RGS7: variants seen among roughly 807,000 people sequenced by gnomAD.
RGS7 encodes the protein regulator of G-protein signaling 7.
In RGS7, 27 loss-of-function variants were observed where a neutral mutation model predicts 81.1. The ratio of observed to expected loss-of-function variants is 0.33; its 90% CI spans 0.25 to 0.46. The LOEUF (loss-of-function observed/expected upper bound fraction) is 0.46. RGS7 is among the 20% of genes least tolerant of loss of function. RGS7 has a pLI of 1.00. For synonymous variants in RGS7, 208 were observed against 207.7 expected (o/e 1.00, Z -0.01); for missense variants, 396 against 607.4 (o/e 0.65, Z 3.66).
chr1:240,869,964 A>G, intron 7 of RGS7, 91 bp downstream of exon 7: 1 of 1,049,360 alleles, frequency 9.5e-7, no homozygotes, highest in Admixed American at 1.7e-5. Context: ...AGATCCATGA[A>G]TGAAGAGTTA....
At chr1:241,088,839 G>A (rs1338854437) in intron 3 of RGS7, among the ~76,000 whole-genome samples, 8 of 151,280 alleles carry the variant, frequency 5.3e-5, no homozygotes, top group African/African-American at 1.9e-4. Context: ...GTGAAACCCC[G>A]TCTCTACTAA....
At chr1:241,038,701 C>T (rs573099506) in intron 3 of RGS7, among the ~76,000 whole-genome samples, 3 of 152,266 alleles carry the variant, frequency 2.0e-5, no homozygotes, top group African/African-American at 7.2e-5. Context: ...GGGCAATGAA[C>T]GTAGGGTAGC....
At position 240,964,484 on chromosome 1, in the gene RGS7, G is replaced by A. The variant is rs529219343; in HGVS notation, c.226+18595C>T. 9.2e-4 allele frequency among the ~76,000 whole-genome samples: 140 copies of A among 152,280 alleles called. 1 individual carries two copies. Among genetic ancestry groups the A allele is most frequent in the African/African-American group, 3.2e-3 (134 of 41,560 alleles). Reference sequence around the variant, plus strand: ...AGGATCAGAAACTCTCTTGGTGGATGCACTGGGAAACCAAGACTGGAGGAA... The same window carrying A: ...AGGATCAGAAACTCTCTTGGTGGATACACTGGGAAACCAAGACTGGAGGAA... On this transcript the variant is annotated intron_variant, in intron 4 of 18. Coordinates refer to ENST00000440928, the MANE Select transcript of RGS7 (RefSeq NM_001364886.1).
Position 241,357,128 on chromosome 1 carries a change from C to T in RGS7, c.-280G>A, listed in dbSNP as rs1416866052. On this transcript the variant is annotated 5_prime_UTR_variant, in exon 1 of 19. Transcript: ENST00000440928. ...GCAGCCGCCACTCGCGCCCGCTCCC[C>T]TGGGCCGCCTCGCTGGCTCTCTCCC... 1.3e-5 allele frequency: 2 copies of T among 152,294 alleles called. No homozygotes were observed. Among genetic ancestry groups the T allele is most frequent in the Non-Finnish European group, 2.9e-5 (2 of 68,228 alleles). The allele number at this position is 152,294 out of a possible 1,614,324, so 9.4% of individuals were successfully genotyped here.
At chr1:241,248,601 G>A (rs2076675051) in intron 2 of RGS7, among the ~76,000 whole-genome samples, 1 of 151,756 alleles carries the variant, frequency 6.6e-6, no homozygotes, top group African/African-American at 2.4e-5. Context: ...TTTGTGTGAA[G>A]CAGTATTTTT....
At chr1:240,954,431 T>A (rs1361389546) in intron 4 of RGS7, among the ~76,000 whole-genome samples, 5 of 152,268 alleles carry the variant, frequency 3.3e-5, no homozygotes, top group East Asian at 1.9e-4. Context: ...TATGCAAGCC[T>A]GATACAGCAT....
At chr1:241,115,966 A>T (rs6663168) in intron 2 of RGS7, among the ~76,000 whole-genome samples, 21,620 of 151,982 alleles carry the variant, frequency 0.14, 2,713 homozygotes, top group African/African-American at 0.33. Flanking sequence ...TATCTCATGG[A>T]TTAAAAGTGT....
intron 5 of RGS7, among the ~76,000 whole-genome samples, chr1:240,935,199 C>T (rs889617887): frequency 6.6e-5 from 10 of 152,070 alleles, no homozygotes; most frequent in Admixed American, 2.0e-4. Flanking sequence ...TGCCCGGCCT[C>T]GGTGCCCTTT....
At chr1:241,277,618 C>A (rs201297699) in intron 2 of RGS7, among the ~76,000 whole-genome samples, 58 of 132,716 alleles carry the variant, frequency 4.4e-4, no homozygotes, top group Admixed American at 5.4e-4. Flanking sequence ...GACTCCATCT[C>A]AAAAAAAAAA....
intron 3 of RGS7, among the ~76,000 whole-genome samples, chr1:241,034,896 G>A (rs2060252150): frequency 6.6e-6 from 1 of 152,156 alleles, no homozygotes; most frequent in Non-Finnish European, 1.5e-5. Context: ...TTTTGAGAGA[G>A]TGGAGCAAAA....
intron 2 of RGS7, among the ~76,000 whole-genome samples, chr1:241,215,081 T>C (rs2074468462): frequency 6.6e-6 from 1 of 152,210 alleles, no homozygotes; most frequent in African/African-American, 2.4e-5. Flanking sequence ...TCAAAATAAC[T>C]TTTGATTGTA....
intron 2 of RGS7, among the ~76,000 whole-genome samples, chr1:241,147,427 A>G (rs905603744): frequency 1.3e-5 from 2 of 152,184 alleles, no homozygotes; most frequent in African/African-American, 4.8e-5. Context: ...GCCTTCATGT[A>G]GAAGTATGAC....
intron 2 of RGS7, among the ~76,000 whole-genome samples, chr1:241,348,820 A>G (rs1366876498): frequency 6.6e-6 from 1 of 152,212 alleles, no homozygotes; most frequent in Non-Finnish European, 1.5e-5. Context: ...CATTTTAAGT[A>G]TCATAAAAAT....
At chr1:240,932,962 C>A (rs889279823) in intron 5 of RGS7, among the ~76,000 whole-genome samples, 2 of 135,540 alleles carry the variant, frequency 1.5e-5, no homozygotes, top group Non-Finnish European at 3.1e-5. Flanking sequence ...CGGCTCACTG[C>A]AAGCTCCGCC....
chr1:241,341,002 A>T (rs2082512252), intron 2 of RGS7, among the ~76,000 whole-genome samples: 1 of 152,204 alleles, frequency 6.6e-6, no homozygotes, highest in African/African-American at 2.4e-5. Context: ...AGGCAGCATT[A>T]TTCAGTAGGA....
chr1:241,210,239 T>C (rs2074168840), intron 2 of RGS7, among the ~76,000 whole-genome samples: 1 of 152,182 alleles, frequency 6.6e-6, no homozygotes, highest in African/African-American at 2.4e-5. Context: ...AACCTCTGCC[T>C]GCCAGGTTCA....
intron 2 of RGS7, among the ~76,000 whole-genome samples, chr1:241,165,590 T>C (rs1179881683): frequency 8.1e-6 from 1 of 124,054 alleles, no homozygotes; most frequent in Non-Finnish European, 1.6e-5. Context: ...TGAGAACACA[T>C]GGACACAGGA....
intron 2 of RGS7, among the ~76,000 whole-genome samples, chr1:241,244,963 G>A (rs1295522407): frequency 7.1e-6 from 1 of 140,558 alleles, no homozygotes; most frequent in Non-Finnish European, 1.5e-5. Flanking sequence ...GTTGTAGGTT[G>A]GGGGGAGGGG....
intron 2 of RGS7, among the ~76,000 whole-genome samples, chr1:241,282,589 T>G (rs2078581373): frequency 6.6e-6 from 1 of 152,208 alleles, no homozygotes; most frequent in Admixed American, 6.5e-5. Context: ...GGCTAAAACC[T>G]CAAGCACTCT....
Sources: gnomAD v4.1 joint callset for allele counts (sites outside exome capture counted in the v4.1 genomes callset) on GRCh38, gnomAD v4.1.1 for gene constraint, MANE v1.5 for transcripts, NCBI Gene and HGNC (gene_info 2026-07-23, HGNC 2026-07-21) for gene names.